Variants in ADGRL2 observed in about 807,000 individuals in gnomAD.
ADGRL2 encodes calcium-independent alpha-latrotoxin receptor 2.
ADGRL2 carries 44 observed loss-of-function variants against 157.4 expected under a neutral mutation model. The ratio of observed to expected loss-of-function variants is 0.28; its 90% CI spans 0.22 to 0.36. ADGRL2 has a LOEUF of 0.36. Ranked by LOEUF, ADGRL2 falls within the 10% of genes least tolerant of loss-of-function variation. The probability of loss-of-function intolerance (pLI) is 1.00; values close to 1 mark genes in which losing one functional copy is unlikely to be tolerated. For synonymous variants in ADGRL2, 585 were observed against 624.7 expected (o/e 0.94, Z 0.95); for missense variants, 1,510 against 1,768.9 (o/e 0.85, Z 2.63).
intron 1 of ADGRL2, among the ~76,000 whole-genome samples, chr1:81,428,180 A>G (rs1470104138): frequency 6.6e-6 from 1 of 152,156 alleles, no homozygotes; most frequent in Admixed American, 6.5e-5. Flanking sequence ...CCCATTTCCA[A>G]ACCATGACAT....
At chr1:81,577,895 A>AT (rs1185197173) in intron 2 of ADGRL2, among the ~76,000 whole-genome samples, 2 of 152,264 alleles carry the variant, frequency 1.3e-5, no homozygotes, top group African/African-American at 4.8e-5. Context: ...ATAAATCTGA[A>AT]TTTTTTAAAA....
chr1:81,707,547 A>G (rs1557583388), intron 1 of ADGRL2, among the ~76,000 whole-genome samples: 1 of 152,204 alleles, frequency 6.6e-6, no homozygotes, highest in African/African-American at 2.4e-5. Flanking sequence ...TTCAGTGGTC[A>G]GTCTCCCTAC....
intron 2 of ADGRL2, among the ~76,000 whole-genome samples, chr1:81,773,767 A>C (rs903078750): frequency 1.3e-5 from 2 of 152,282 alleles, no homozygotes; most frequent in South Asian, 4.1e-4. Context: ...TTTATTTTCT[A>C]GTTAAGTGGT....
At chr1:81,652,544 T>C (rs1361442228) in intron 3 of ADGRL2, among the ~76,000 whole-genome samples, 1 of 152,228 alleles carries the variant, frequency 6.6e-6, no homozygotes, top group Non-Finnish European at 1.5e-5. Flanking sequence ...CAGATATTTG[T>C]TGGTGCTTCC....
At chr1:81,362,386 G>T (rs1445172506) in intron 1 of ADGRL2, among the ~76,000 whole-genome samples, 1 of 119,238 alleles carries the variant, frequency 8.4e-6, no homozygotes, top group Non-Finnish European at 2.0e-5. Flanking sequence ...TTTTGCAGCT[G>T]TCTTTTGATT....
intron 1 of ADGRL2, among the ~76,000 whole-genome samples, chr1:81,807,505 AT>A (rs150955255): frequency 0.077 from 11,761 of 151,996 alleles, 554 homozygotes; most frequent in South Asian, 0.2. Flanking sequence ...GCTGCCTAAG[AT>A]GCTCTCAAAG....
rs552456127 is a variant in ADGRL2 at position 81,533,203 on chromosome 1, G to A, written c.-247-47673G>A. On this transcript the variant is annotated intron_variant, in intron 2 of 24. Transcript: ENST00000370721. The stretch of plus-strand genomic sequence containing the variant: ...AGACCAGCCTGGCCAATATGGTGAA[G>A]CCCCGTCTCTACTACAAATACAAAA... 3.7e-4 allele frequency among the ~76,000 whole-genome samples: 56 copies of A among 151,940 alleles called. 1 individual carries two copies. The South Asian group carries it at 9.6e-3, about 26-fold the overall frequency.
Position 81,720,121 on chromosome 1 carries a change from C to T in ADGRL2, c.-143+20313C>T, listed in dbSNP as rs181540277. ...GAGATTCTTCTAGTCGTATTACAGA[C>T]ATTTTAAAAAAAGTAGTTGAAAAGG... is the stretch of plus-strand genomic sequence containing the variant. On this transcript the variant is annotated intron_variant, in intron 1 of 20. Coordinates refer to the ADGRL2 transcript ENST00000359929. Among the ~76,000 whole-genome samples, 53 of 150,366 alleles carry T rather than the reference C, an allele frequency of 3.5e-4. No homozygotes were observed. The East Asian group carries it at 0.01, about 29-fold the overall frequency.
intron 3 of ADGRL2, among the ~76,000 whole-genome samples, chr1:81,923,353 A>G (rs2095032688): frequency 6.6e-6 from 1 of 152,186 alleles, no homozygotes; most frequent in Non-Finnish European, 1.5e-5. Flanking sequence ...GAAATTTGTC[A>G]TATATTTATC....
chr1:81,492,555 A>C (rs546567855), intron 2 of ADGRL2, among the ~76,000 whole-genome samples: 1 of 152,292 alleles, frequency 6.6e-6, no homozygotes, highest in East Asian at 1.9e-4. Flanking sequence ...AAATACTTGG[A>C]CCTAGACATA....
At position 81,427,984 on chromosome 1, in the gene ADGRL2, A is replaced by G. The variant is rs768948206; in HGVS notation, c.-301-17052A>G. ...AGGAATAAAAAATTAAGGAATTTTTAACTTTTCAATATTTGTGTAGTTCAG... is the reference window on the plus strand; with the variant it reads ...AGGAATAAAAAATTAAGGAATTTTTGACTTTTCAATATTTGTGTAGTTCAG... On this transcript the variant is annotated intron_variant, in intron 1 of 24. Coordinates refer to the ADGRL2 transcript ENST00000370721. Among the ~76,000 whole-genome samples the G allele has an allele frequency of 5.3e-5, 8 of 152,334 alleles. No homozygotes were observed. The East Asian group carries it at 1.5e-3, about 29-fold the overall frequency.
chr1:81,620,272 A>G (rs2081761442), intron 3 of ADGRL2, among the ~76,000 whole-genome samples: 1 of 147,582 alleles, frequency 6.8e-6, no homozygotes, highest in African/African-American at 2.5e-5. Flanking sequence ...TCACATGCAA[A>G]TACAAAAAAA....
At chr1:81,919,945 G>A (rs2094939918) in intron 3 of ADGRL2, among the ~76,000 whole-genome samples, 2 of 152,102 alleles carry the variant, frequency 1.3e-5, no homozygotes, top group South Asian at 4.1e-4. Context: ...TACTGAATAT[G>A]AAATGTAACC....
At chr1:81,886,724 A>G (rs996553999) in intron 2 of ADGRL2, among the ~76,000 whole-genome samples, 1 of 151,184 alleles carries the variant, frequency 6.6e-6, no homozygotes. Flanking sequence ...TTATTTAAAC[A>G]AAACCTTTCA....
At chr1:81,514,216 T>C (rs1164281803) in intron 2 of ADGRL2, among the ~76,000 whole-genome samples, 1 of 152,172 alleles carries the variant, frequency 6.6e-6, no homozygotes, top group African/African-American at 2.4e-5. Flanking sequence ...CTAGGTGGTA[T>C]GGTTGTTTTG....
chr1:81,313,586 A>G (rs1458280269), intron 1 of ADGRL2, among the ~76,000 whole-genome samples: 1 of 152,186 alleles, frequency 6.6e-6, no homozygotes, highest in African/African-American at 2.4e-5. Flanking sequence ...ATGAGTTTCC[A>G]GTACCAAAGT....
At chr1:81,593,310 C>T (rs1026587908) in intron 3 of ADGRL2, among the ~76,000 whole-genome samples, 14 of 152,290 alleles carry the variant, frequency 9.2e-5, no homozygotes, top group African/African-American at 2.9e-4. Context: ...ACCCTAGAGA[C>T]GAGCTGCTTC....
chr1:81,494,015 T>C (rs1250337885), intron 2 of ADGRL2, among the ~76,000 whole-genome samples: 21 of 152,290 alleles, frequency 1.4e-4, no homozygotes, highest in Non-Finnish European at 2.6e-4. Context: ...TATGAATTGC[T>C]CACTTCACTT....
intron 2 of ADGRL2, among the ~76,000 whole-genome samples, chr1:81,792,067 G>A (rs2087375948): frequency 6.6e-6 from 1 of 152,098 alleles, no homozygotes; most frequent in African/African-American, 2.4e-5. Flanking sequence ...TTATTTCTCT[G>A]GGGAGGGAGT....
Sources: gnomAD v4.1 joint callset for allele counts (sites outside exome capture counted in the v4.1 genomes callset) on GRCh38, gnomAD v4.1.1 for gene constraint, MANE v1.5 for transcripts, NCBI Gene and HGNC (gene_info 2026-07-23, HGNC 2026-07-21) for gene names.